PRRC2A: variants seen among roughly 807,000 people sequenced by gnomAD.
PRRC2A encodes protein PRRC2A.
In PRRC2A, 59 loss-of-function variants were observed where a neutral mutation model predicts 224.6. The observed-to-expected ratio is 0.26, with a 90% confidence interval of 0.21 to 0.33. The LOEUF is 0.33. Ranked by LOEUF, PRRC2A falls within the 10% of genes least tolerant of loss-of-function variation. PRRC2A has a pLI of 1.00. For synonymous variants in PRRC2A, 1,194 were observed against 1,109.5 expected, an observed-to-expected ratio of 1.08 and a Z score of -1.51; for missense variants, 3,095 against 2,880.7, an observed-to-expected ratio of 1.07 and a Z score of -1.70.
In PRRC2A at chr6:31,627,529, A is replaced by G. The variant is rs1776049891; in HGVS notation, c.1291-236A>G. ...TATGCATCAGTAGTCCAAGCTACTC[A>G]GCAGGCTGAAGCAGAAGGATCACTT... On this transcript the variant is annotated intron_variant, in intron 11 of 30. Coordinates refer to ENST00000376033, the MANE Select transcript of PRRC2A (RefSeq NM_004638.4). This position sits in a 1 kb window ranked among gnomAD's most constrained non-coding sequence, Gnocchi z 5.6. Among the ~76,000 whole-genome samples the G allele has an allele frequency of 6.6e-6, 1 of 152,180 alleles. No homozygotes were observed. Among genetic ancestry groups the G allele is most frequent in the Non-Finnish European group, 1.5e-5 (1 of 68,032 alleles).
In PRRC2A at chr6:31,625,978, G is replaced by A. The variant is rs773595557; in HGVS notation, c.840-42G>A. 4.4e-5 allele frequency: 70 copies of A among 1,607,942 alleles called. No individual in the cohort carries two copies. Among genetic ancestry groups the A allele is most frequent in the Non-Finnish European group, 5.9e-5 (69 of 1,177,226 alleles). ...CAGTCTAGGATCAGTCTCGCATGTG[G>A]TTATACAACATGCCATATTTCATTT... On this transcript the variant is annotated intron_variant, in intron 8 of 30. Coordinates refer to ENST00000376033, the MANE Select transcript of PRRC2A (RefSeq NM_004638.4). The surrounding 1 kb of genome is among the most constrained non-coding windows in gnomAD (Gnocchi z 4.1).
chr6:31,628,004 C>G lies in PRRC2A; in HGVS notation c.1530C>G (p.Ala510=). 1 of 1,216,372 alleles carries G rather than the reference C, an allele frequency of 8.2e-7. No homozygotes were observed. The highest frequency in any genetic ancestry group is 1.1e-6 in the Non-Finnish European group (1 of 897,930). 75.3% of individuals were successfully genotyped at this position (1,216,372 alleles called of 1,614,324 possible). The part of the protein sequence containing the change: ...PDKRLKAEPA[A]PPAAPSTPAP... ...AGCGGCTCAAAGCAGAGCCTGCTGCCCCACCTGCTGCCCCTTCTACCCCAG... is the reference window on the plus strand; with the variant it reads ...AGCGGCTCAAAGCAGAGCCTGCTGCGCCACCTGCTGCCCCTTCTACCCCAG... Residue 510 remains alanine (A), a synonymous_variant, in exon 12 of 31, where the codon GCC becomes GCG. Coordinates refer to ENST00000376033, the MANE Select transcript of PRRC2A (RefSeq NM_004638.4).
At position 31,636,014 on chromosome 6, in the gene PRRC2A, C is replaced by A; in HGVS notation, c.5589C>A (p.Gly1863=). Residue 1863 remains glycine, a synonymous_variant, in exon 25 of 31, where the codon GGC becomes GGA. Transcript: ENST00000376033. This position sits in a 1 kb window ranked among gnomAD's most constrained non-coding sequence, Gnocchi z 4.3. The part of the protein sequence containing the change: ...MDSQLHPNSG[G]FRPGTPSLHP... ...CTCAATTACATCCAAACAGTGGAGG[C>A]TTCCGCCCTGGGACACCCTCACTGC... 1 of 1,613,642 alleles carries A rather than the reference C, an allele frequency of 6.2e-7. No individual in the cohort carries two copies. Among genetic ancestry groups the A allele is most frequent in the Non-Finnish European group, 8.5e-7 (1 of 1,179,590 alleles).
In PRRC2A at chr6:31,632,833, G is replaced by A. The variant is rs745533943; in HGVS notation, c.4160G>A (p.Ser1387Asn). 1.4e-5 allele frequency: 23 copies of A among 1,613,198 alleles called. No individual in the cohort carries two copies. In the East Asian group the frequency reaches 4.5e-4, roughly 31 times the overall value. ...AKDLSKRSFS[S>N]QRPGMERQNR... ...GATTTGAGTAAACGGAGCTTCTCAA[G>A]TCAGCGGCCAGGCATGGAACGGCAG... Residue 1387 changes from serine (S) to asparagine (N), a missense_variant, in exon 16 of 31, where the codon AGT becomes AAT. Ser to Asn is a conservative substitution (Grantham distance 46). Transcript: ENST00000376033.
intron 18 of PRRC2A, 44 bp downstream of exon 18, chr6:31,634,033 G>C: frequency 6.3e-7 from 1 of 1,589,030 alleles, no homozygotes; most frequent in African/African-American, 1.4e-5. Flanking sequence ...ACTCTTACTC[G>C]TGAAAATTCT....
At chr6:31,634,079 CT>C in intron 18 of PRRC2A, 90 bp downstream of exon 18, 1 of 1,578,140 alleles carries the variant, frequency 6.3e-7, no homozygotes, top group Non-Finnish European at 8.6e-7. Flanking sequence ...TTTCCTGTTT[CT>C]TTCACTGTGT....
In PRRC2A at chr6:31,632,127, C is replaced by G. The variant is rs142106114; in HGVS notation, c.3454C>G (p.Arg1152Gly). 1.3e-6 allele frequency: 2 copies of G among 1,557,396 alleles called. No homozygotes were observed. Among genetic ancestry groups the G allele is most frequent in the African/African-American group, 1.4e-5 (1 of 73,244 alleles). Residue 1152 changes from arginine to glycine, a missense_variant, in exon 16 of 31, where the codon CGC becomes GGC. This residue lies in a region of PRRC2A where 2,001 missense variants were observed against 1,764.9 expected (regional missense o/e 1.13). Coordinates refer to ENST00000376033, the MANE Select transcript of PRRC2A (RefSeq NM_004638.4). ...AGCCCCACCTTCACCAGCCCCAGCC[C>G]GCTTCACTGCCCGGGGTGGGCGAGT... ...PGAPPSPAPARFTARGGRVFT... is the reference protein window; with the variant it reads ...PGAPPSPAPAGFTARGGRVFT...
chr6:31,631,854 C>T lies in PRRC2A; in HGVS notation c.3181C>T (p.Arg1061Ter), dbSNP rs1561822708. Residue 1061 changes from arginine to a stop codon, truncating the protein, a stop_gained, in exon 16 of 31, where the codon CGA becomes TGA. Coordinates refer to ENST00000376033, the MANE Select transcript of PRRC2A (RefSeq NM_004638.4). LOFTEE classifies it high-confidence loss of function. This position sits in a 1 kb window ranked among gnomAD's most constrained non-coding sequence, Gnocchi z 4.5. ...SREFRSYREF[R>*]GDDGRGGGTG... ...GGAATTCCGCAGTTACCGAGAGTTTCGAGGAGATGATGGGCGTGGAGGTGG... is the reference window on the plus strand; with the variant it reads ...GGAATTCCGCAGTTACCGAGAGTTTTGAGGAGATGATGGGCGTGGAGGTGG... 6.2e-7 allele frequency: 1 copy of T among 1,607,330 alleles called. No homozygotes were observed. The highest frequency in any genetic ancestry group is 1.3e-5 in the African/African-American group (1 of 74,804).
intron 24 of PRRC2A, 60 bp from the exon 25 acceptor site, chr6:31,635,907 G>T (rs1309425126): frequency 2.7e-6 from 4 of 1,496,730 alleles, no homozygotes; most frequent in Non-Finnish European, 3.6e-6. Flanking sequence ...GGGTGGGATG[G>T]TGATCTTTTT....
chr6:31,627,983 G>A lies in PRRC2A; in HGVS notation c.1509G>A (p.Arg503=), dbSNP rs1776102806. 1 of 1,612,896 alleles carries A rather than the reference G, an allele frequency of 6.2e-7. No individual in the cohort carries two copies. Among genetic ancestry groups the A allele is most frequent in the Non-Finnish European group, 8.5e-7 (1 of 1,180,002 alleles). ...AAAAGTTTGGGGCACCTGACAAGCG[G>A]CTCAAAGCAGAGCCTGCTGCCCCAC... ...LDEKFGAPDK[R]LKAEPAAPPA... is the part of the protein sequence containing the mutation. The change falls in exon 12 of 31, where the codon CGG becomes CGA. Residue 503 remains arginine, a synonymous_variant. Transcript: ENST00000376033. The surrounding 1 kb of genome is among the most constrained non-coding windows in gnomAD (Gnocchi z 5.6).
In PRRC2A at chr6:31,633,143, C is replaced by G. The variant is rs924425769; in HGVS notation, c.4319+151C>G. ...GTAGGATTTCCATGTCTGGCTAAGG[C>G]AACTGGAAAGCGGTTGGTAGGGTGT... On this transcript the variant is annotated intron_variant, in intron 16 of 30. Transcript: ENST00000376033. The G allele has an allele frequency of 2.4e-6, 3 of 1,237,876 alleles. No homozygotes were observed. The Admixed American group carries it at 8.7e-5, about 36-fold the overall frequency. The allele number at this position is 1,237,876 out of a possible 1,614,324, so 76.7% of individuals were successfully genotyped here. A position where few individuals can be genotyped will look rare whatever the true frequency, so the allele number is the denominator to read the frequency against.
Position 31,632,689 on chromosome 6 carries a change from A to G in PRRC2A, c.4016A>G (p.Glu1339Gly). The change falls in exon 16 of 31, where the codon GAG becomes GGG. Residue 1339 changes from glutamate to glycine, a missense_variant. Physicochemically the swap from Glu to Gly is moderately conservative, Grantham distance 98. Around this residue, in one of 8 missense-constraint regions of PRRC2A, gnomAD observed 2,001 missense variants for 1,764.9 expected, o/e 1.13. Transcript: ENST00000376033. ...ACCAGTGAGCGCCGAGGGGACAAAGAGGCACCCCCACCAGTACTGCTGACA... is the reference window on the plus strand; with the variant it reads ...ACCAGTGAGCGCCGAGGGGACAAAGGGGCACCCCCACCAGTACTGCTGACA... The part of the protein sequence containing the change: ...DFTSERRGDK[E>G]APPPVLLTPK... The G allele has an allele frequency of 6.2e-7, 1 of 1,613,094 alleles. No homozygotes were observed. The highest frequency in any genetic ancestry group is 8.5e-7 in the Non-Finnish European group (1 of 1,180,016).
chr6:31,622,740 T>G lies in PRRC2A; in HGVS notation c.-50T>G. 1 of 1,422,606 alleles carries G rather than the reference T, an allele frequency of 7.0e-7. No individual in the cohort carries two copies. Among genetic ancestry groups the G allele is most frequent in the Non-Finnish European group, 9.9e-7 (1 of 1,011,436 alleles). The allele number at this position is 1,422,606 out of a possible 1,614,324, so 88.1% of individuals were successfully genotyped here. A position where few individuals can be genotyped will look rare whatever the true frequency, so the allele number is the denominator to read the frequency against. On this transcript the variant is annotated 5_prime_UTR_variant, in exon 2 of 31. Transcript: ENST00000376033. The stretch of plus-strand genomic sequence containing the variant: ...TCTGGCCCACAGGCTCTGGCACGTT[T>G]TGGGGGAGGTGCCTGCAGGACCCAA...
chr6:31,630,830 G>A (rs1400078967), intron 15 of PRRC2A, 29 bp downstream of exon 15: 1 of 1,609,448 alleles, frequency 6.2e-7, no homozygotes, highest in Non-Finnish European at 8.5e-7. Context: ...AAATGGGTGA[G>A]TTCACAGTGA....
intron 2 of PRRC2A, chr6:31,623,353 C>T (rs1775531693): frequency 2.5e-6 from 1 of 408,154 alleles, no homozygotes; most frequent in Non-Finnish European, 4.6e-6. Flanking sequence ...CCACAACCTC[C>T]ACCTCCTGGG....
Position 31,631,531 on chromosome 6 carries a change from A to G in PRRC2A, c.2858A>G (p.Lys953Arg), listed in dbSNP as rs1443812779. The G allele has an allele frequency of 1.3e-6, 2 of 1,596,366 alleles. No individual in the cohort carries two copies. Among genetic ancestry groups the G allele is most frequent in the South Asian group, 1.1e-5 (1 of 88,924 alleles). Residue 953 changes from lysine to arginine, a missense_variant, in exon 16 of 31, where the codon AAG (lysine) becomes AGG (arginine). By Grantham distance (26) the Lys-to-Arg change is conservative (BLOSUM62 2). This residue lies in a region of PRRC2A where 2,001 missense variants were observed against 1,764.9 expected (regional missense o/e 1.13). Coordinates refer to ENST00000376033, the MANE Select transcript of PRRC2A (RefSeq NM_004638.4). This position sits in a 1 kb window ranked among gnomAD's most constrained non-coding sequence, Gnocchi z 4.5. ...CCACCCCGCCGGGCTGGGCCTATAA[A>G]GAAACCTCCACCACCTACAAAAGTA... is the stretch of plus-strand genomic sequence containing the variant. The part of the protein sequence containing the change: ...GAPPRRAGPI[K>R]KPPPPTKVEE...
chr6:31,631,209 G>A lies in PRRC2A; in HGVS notation c.2536G>A (p.Ala846Thr), dbSNP rs1776517546. 6.2e-7 allele frequency: 1 copy of A among 1,601,662 alleles called. No individual in the cohort carries two copies. The highest frequency in any genetic ancestry group is 1.7e-4 in the Middle Eastern group (1 of 5,996). ...TTATCCAGGCTTTCCTGAGAATGGA[G>A]CCCCTGGGCCCCCAATCTCTCGCTT... ...ASYPGFPENG[A>T]PGPPISRFPL... is the part of the protein sequence containing the mutation. Residue 846 changes from alanine to threonine, a missense_variant, in exon 16 of 31, where the codon GCC (alanine) becomes ACC (threonine). Coordinates refer to ENST00000376033, the MANE Select transcript of PRRC2A (RefSeq NM_004638.4). The surrounding 1 kb of genome is among the most constrained non-coding windows in gnomAD (Gnocchi z 4.5).
Position 31,633,367 on chromosome 6 carries a change from T to C in PRRC2A, c.4320-12T>C. 6.2e-7 allele frequency: 1 copy of C among 1,608,742 alleles called. No individual in the cohort carries two copies. The highest frequency in any genetic ancestry group is 8.5e-7 in the Non-Finnish European group (1 of 1,177,118). ...TTAGTGGATACTGGAGCTAATGCTC[T>C]GTTTTCTCCAGTCGTCCTCCAGAGG... On this transcript the variant is annotated splice_polypyrimidine_tract_variant and intron_variant, in intron 16 of 30. Transcript: ENST00000376033.
intron 3 of PRRC2A, 113 bp from the exon 4 acceptor site, chr6:31,624,148 C>T (rs537108658): frequency 3.4e-6 from 4 of 1,193,810 alleles, no homozygotes; most frequent in Non-Finnish European, 4.8e-6. Flanking sequence ...TTAATTTGTC[C>T]TTATATTTGT....
Sources: allele counts gnomAD v4.1 joint callset (sites outside exome capture counted in the v4.1 genomes callset), GRCh38; gene constraint gnomAD v4.1.1; regional missense constraint gnomAD v4.1.1; non-coding constraint Gnocchi (gnomAD v3.1); transcripts MANE v1.5; gene names NCBI Gene and HGNC (gene_info 2026-07-23, HGNC 2026-07-21).